The following SAMHD1 variants were observed in gnomAD, a reference collection of about 807,000 sequenced individuals.
The protein encoded by SAMHD1 is deoxynucleoside triphosphate triphosphohydrolase SAMHD1.
A neutral mutation model predicts 79.6 loss-of-function variants in SAMHD1; 54 were observed. The observed-to-expected ratio is 0.68, with a 90% confidence interval of 0.55 to 0.85. SAMHD1 has a LOEUF of 0.85. SAMHD1 is among the 40% of genes least tolerant of loss of function. The pLI, the probability that SAMHD1 is intolerant of heterozygous loss-of-function variation, is 0.00. For missense variants in SAMHD1, 663 were observed against 782.7 expected (o/e 0.85, Z 1.82); for synonymous variants, 260 against 264.1 (o/e 0.98, Z 0.15).
At chr20:36,903,694 C>T (rs1292196183) in intron 13 of SAMHD1, among the ~76,000 whole-genome samples, 4 of 151,964 alleles carry the variant, frequency 2.6e-5, no homozygotes, top group Middle Eastern at 3.4e-3. Flanking sequence ...GGACTACAGG[C>T]GCAAACCACC....
intron 11 of SAMHD1, among the ~76,000 whole-genome samples, chr20:36,905,889 C>T (rs1304517602): frequency 1.3e-5 from 2 of 151,766 alleles, no homozygotes; most frequent in East Asian, 1.9e-4. Context: ...AGGAGAATTG[C>T]TTGACCCCGG....
intron 13 of SAMHD1, 115 bp downstream of exon 13, chr20:36,904,042 A>AAATGACTTCTT (rs11466931): frequency 1.4e-5 from 10 of 735,474 alleles, no homozygotes; most frequent in Non-Finnish European, 2.5e-5. Context: ...GTGAGGGCAC[A>AAATGACTTCTT]TCATCTTTCT....
intron 11 of SAMHD1, among the ~76,000 whole-genome samples, chr20:36,908,347 A>AT (rs1208640587): frequency 1.3e-5 from 2 of 150,784 alleles, no homozygotes; most frequent in Non-Finnish European, 3.0e-5. Flanking sequence ...GGCTCCAGTG[A>AT]TCCCCCCAAC....
chr20:36,924,057 T>G (rs979985481), intron 6 of SAMHD1, among the ~76,000 whole-genome samples: 3 of 152,050 alleles, frequency 2.0e-5, no homozygotes, highest in African/African-American at 7.2e-5. Context: ...GAGACCAGTC[T>G]GGGTAACAAA....
intron 11 of SAMHD1, 76 bp from the exon 12 acceptor site, chr20:36,905,579 G>A (rs1356801595): frequency 1.6e-6 from 2 of 1,277,538 alleles, no homozygotes; most frequent in African/African-American, 1.5e-5. Flanking sequence ...CTATTCTATT[G>A]AAATGATCTT....
intron 9 of SAMHD1, among the ~76,000 whole-genome samples, chr20:36,913,731 C>T (rs1173835383): frequency 1.4e-5 from 2 of 147,442 alleles, no homozygotes; most frequent in East Asian, 4.0e-4. Flanking sequence ...ATAGGTATTA[C>T]TATTCTTATG....
At chr20:36,913,607 A>T in intron 9 of SAMHD1, among the ~76,000 whole-genome samples, 1 of 140,298 alleles carries the variant, frequency 7.1e-6, no homozygotes, top group East Asian at 2.0e-4. Flanking sequence ...CAACTCAAAG[A>T]AAAAAAAAAA....
At position 36,951,216 on chromosome 20, in the gene SAMHD1, T is replaced by A. The variant is rs537947665; in HGVS notation, c.208+220A>T. 1.8e-3 allele frequency among the ~76,000 whole-genome samples: 271 copies of A among 152,226 alleles called. 1 individual carries two copies. The highest frequency in any genetic ancestry group is 6.1e-3 in the African/African-American group (252 of 41,554). ...CGGGGAGTCAGTCCCGGGAGCCCCA[T>A]GCCGCAGGCCCTCCTGGGAACCCCC... is the stretch of plus-strand genomic sequence containing the variant. On this transcript the variant is annotated intron_variant, in intron 1 of 15. Coordinates refer to ENST00000646673, the MANE Select transcript of SAMHD1 (RefSeq NM_015474.4).
intron 2 of SAMHD1, among the ~76,000 whole-genome samples, chr20:36,943,934 C>T (rs1471531959): frequency 2.0e-5 from 3 of 151,514 alleles, no homozygotes; most frequent in Non-Finnish European, 2.9e-5. Context: ...AAAAATTAGC[C>T]GGGCATGGTG....
chr20:36,937,359 CA>C (rs1352850857), intron 3 of SAMHD1, among the ~76,000 whole-genome samples: 2 of 151,200 alleles, frequency 1.3e-5, no homozygotes, highest in Non-Finnish European at 1.5e-5. Flanking sequence ...CACAAATGAA[CA>C]AAAAAAATAT....
rs34384942 is a variant in SAMHD1 at position 36,921,392 on chromosome 20, C to CAAA, written c.697-1876_697-1874dup. Reference sequence around the variant, plus strand: ...TGGGCGACACAGCGAGACTCTGTCTCAAAAAAAAAAAAAAAAAAAACGAAT... The same window carrying CAAA: ...TGGGCGACACAGCGAGACTCTGTCTCAAAAAAAAAAAAAAAAAAAAAAACGAAT... On this transcript the variant is annotated intron_variant, in intron 6 of 15. Coordinates refer to ENST00000646673, the MANE Select transcript of SAMHD1 (RefSeq NM_015474.4). Among the ~76,000 whole-genome samples, 168 of 54,904 alleles carry CAAA rather than the reference C, an allele frequency of 3.1e-3. 14 individuals carry two copies. The highest frequency in any genetic ancestry group is 5.8e-3 in the East Asian group (10 of 1,716). 36.0% of individuals were successfully genotyped at this position (54,904 alleles called of 152,430 possible).
intron 7 of SAMHD1, among the ~76,000 whole-genome samples, chr20:36,918,059 C>T (rs545707269): frequency 6.6e-6 from 1 of 151,662 alleles, no homozygotes; most frequent in South Asian, 2.1e-4. Context: ...GCTCTGTTGC[C>T]CAGGCTGGAG....
At chr20:36,903,922 A>C (rs990529943) in intron 13 of SAMHD1, 5 of 413,868 alleles carry the variant, frequency 1.2e-5, no homozygotes, top group Non-Finnish European at 2.2e-5. Flanking sequence ...TGTAATTAAA[A>C]ATTTTTAATT....
At chr20:36,951,081 G>C (rs2063729978) in intron 1 of SAMHD1, among the ~76,000 whole-genome samples, 1 of 152,218 alleles carries the variant, frequency 6.6e-6, no homozygotes. Flanking sequence ...AAACCCACGA[G>C]AGTGAGATCC....
chr20:36,944,723 C>T (rs1220070238), intron 2 of SAMHD1, among the ~76,000 whole-genome samples: 8 of 151,980 alleles, frequency 5.3e-5, no homozygotes, highest in South Asian at 2.1e-4. Flanking sequence ...GGAGAAACCC[C>T]GTCTCTACTA....
chr20:36,937,884 G>A (rs1326407745), intron 3 of SAMHD1, among the ~76,000 whole-genome samples: 1 of 145,430 alleles, frequency 6.9e-6, no homozygotes, highest in South Asian at 2.2e-4. Context: ...TTGAGACAGG[G>A]TCTCACTCTG....
chr20:36,936,204 C>T (rs1053426712), intron 3 of SAMHD1, among the ~76,000 whole-genome samples: 1 of 152,028 alleles, frequency 6.6e-6, no homozygotes. Context: ...TGTGCCACAA[C>T]ACTTCAGCCT....
At chr20:36,936,736 A>G (rs2063606002) in intron 3 of SAMHD1, among the ~76,000 whole-genome samples, 1 of 151,880 alleles carries the variant, frequency 6.6e-6, no homozygotes, top group African/African-American at 2.4e-5. Context: ...CTGGAGTACA[A>G]TCAGGGCTCA....
intron 15 of SAMHD1, 138 bp downstream of exon 15, chr20:36,897,684 A>G: frequency 2.1e-6 from 2 of 946,160 alleles, no homozygotes; most frequent in Non-Finnish European, 3.3e-6. Flanking sequence ...AAAAGGAAAG[A>G]AAGTGAAAGA....
Sources: gnomAD v4.1 joint callset for allele counts (sites outside exome capture counted in the v4.1 genomes callset) on GRCh38, gnomAD v4.1.1 for gene constraint, MANE v1.5 for transcripts, NCBI Gene and HGNC (gene_info 2026-07-23, HGNC 2026-07-21) for gene names.